The following SLC3A2 variants were observed in gnomAD, a reference collection of about 807,000 sequenced individuals.
SLC3A2 encodes amino acid transporter heavy chain SLC3A2.
In SLC3A2, 32 loss-of-function variants were observed where a neutral mutation model predicts 48.5. The observed-to-expected ratio is 0.66, with a 90% CI of 0.50 to 0.89. The LOEUF is 0.89. Among genes scored for constraint, SLC3A2 ranks in the 40% least tolerant of loss-of-function variants. The pLI is 0.00. For synonymous variants in SLC3A2, 277 were observed against 288.8 expected (o/e 0.96, Z 0.41); for missense variants, 587 against 680.7 (o/e 0.86, Z 1.53).
At chr11:62,867,076 C>T (rs1240876477) in intron 1 of SLC3A2, among the ~76,000 whole-genome samples, 1 of 151,914 alleles carries the variant, frequency 6.6e-6, no homozygotes, top group Non-Finnish European at 1.5e-5. Flanking sequence ...CCGCAACCTC[C>T]GCCTCCCAGG....
intron 5 of SLC3A2, 88 bp downstream of exon 5, chr11:62,884,778 C>T: frequency 1.7e-6 from 1 of 587,746 alleles, no homozygotes; most frequent in South Asian, 2.3e-5. Flanking sequence ...GATTCCTAGT[C>T]TAGAGCATTT....
intron 1 of SLC3A2, among the ~76,000 whole-genome samples, chr11:62,869,321 G>A (rs1029997237): frequency 2.6e-5 from 4 of 151,398 alleles, no homozygotes; most frequent in Non-Finnish European, 5.9e-5. Context: ...TCAGGAGATC[G>A]AGACCATCCT....
intron 3 of SLC3A2, chr11:62,883,415 CTA>C: frequency 5.1e-6 from 1 of 195,084 alleles, no homozygotes; most frequent in South Asian, 9.5e-5. Flanking sequence ...GTCTGGGACT[CTA>C]TGCCAAGTAT....
At chr11:62,878,698 C>T (rs1367890076), upstream of SLC3A2, among the ~76,000 whole-genome samples, 2 of 147,108 alleles carry the variant, frequency 1.4e-5, no homozygotes, top group Non-Finnish European at 3.0e-5. Context: ...AGGATGGTCT[C>T]GGTCTCCTGA....
At chr11:62,864,226 T>C (rs148530748) in intron 1 of SLC3A2, among the ~76,000 whole-genome samples, 48 of 152,274 alleles carry the variant, frequency 3.2e-4, no homozygotes, top group African/African-American at 1.1e-3. Flanking sequence ...TCTGTCCCAC[T>C]ATGATAGGTC....
chr11:62,886,225 G>T (rs1303428342), intron 7 of SLC3A2, among the ~76,000 whole-genome samples: 1 of 151,966 alleles, frequency 6.6e-6, no homozygotes, highest in African/African-American at 2.4e-5. Context: ...GGAGGCAGAG[G>T]TTGCAGTGAA....
chr11:62,880,528 A>G (rs7126772), upstream of SLC3A2: 1,618 of 153,078 alleles, frequency 0.011, 20 homozygotes, highest in African/African-American at 0.037. Flanking sequence ...GCCGTGAACC[A>G]GGGGCAAATG....
chr11:62,867,299 CTTTA>C (rs1286207732), intron 1 of SLC3A2, among the ~76,000 whole-genome samples: 1 of 121,126 alleles, frequency 8.3e-6, no homozygotes, highest in East Asian at 2.5e-4. Context: ...GCCTATTTCC[CTTTA>C]TTCTTTCTCT....
upstream of SLC3A2, among the ~76,000 whole-genome samples, chr11:62,878,418 G>A (rs2085591824): frequency 6.6e-6 from 1 of 151,892 alleles, no homozygotes; most frequent in African/African-American, 2.4e-5. Context: ...CTTCCCTTGA[G>A]TGTTGGCATC....
chr11:62,866,269 C>T (rs1261219337), intron 1 of SLC3A2, among the ~76,000 whole-genome samples: 3 of 151,930 alleles, frequency 2.0e-5, no homozygotes, highest in South Asian at 4.1e-4. Context: ...AGGTGCCTGC[C>T]GCCATCCCCA....
intron 1 of SLC3A2, among the ~76,000 whole-genome samples, chr11:62,863,860 A>G (rs1179949664): frequency 6.6e-6 from 1 of 152,216 alleles, no homozygotes; most frequent in Non-Finnish European, 1.5e-5. Context: ...CCAGAATCTC[A>G]GGGACTTGCA....
chr11:62,870,821 G>A lies in SLC3A2; in HGVS notation c.113-10198G>A, dbSNP rs754034275. 25 of 217,290 alleles carry A rather than the reference G, an allele frequency of 1.2e-4. No individual in the cohort carries two copies. In the East Asian group the frequency reaches 2.4e-3, roughly 21 times the overall value. 13.5% of individuals were successfully genotyped at this position (217,290 alleles called of 1,614,324 possible). On this transcript the variant is annotated intron_variant, in intron 1 of 9. Transcript: ENST00000377889. ...GTGATCCTCTTCCCTCAGCTTCCCA[G>A]AATGCCGAGATGATAGGTAATAATA...
At chr11:62,887,972 T>C (rs554247606) in intron 7 of SLC3A2, 163 bp from the exon 8 acceptor site, 7 of 600,220 alleles carry the variant, frequency 1.2e-5, no homozygotes, top group South Asian at 4.0e-5. Flanking sequence ...TTTAAAAATT[T>C]TGTAGTAGAG....
At chr11:62,864,904 C>T (rs2085437630) in intron 1 of SLC3A2, among the ~76,000 whole-genome samples, 3 of 152,000 alleles carry the variant, frequency 2.0e-5, no homozygotes, top group Admixed American at 2.0e-4. Flanking sequence ...ATGCCCAGTC[C>T]CCGTTTAAAC....
At chr11:62,884,716 C>T (rs763721022) in intron 5 of SLC3A2, 26 bp downstream of exon 5, 5 of 1,560,672 alleles carry the variant, frequency 3.2e-6, no homozygotes, top group Non-Finnish European at 4.3e-6. Flanking sequence ...ATTCTGCTGA[C>T]TCAGCTCCAA....
At chr11:62,856,187 C>A in exon 1 of SLC3A2, 1 of 1,081,700 alleles carries the variant, frequency 9.2e-7, no homozygotes, top group Non-Finnish European at 1.3e-6. Context: ...CCTGGACTGA[C>A]GGTCACGACT....
chr11:62,856,365 C>A (rs563102626), exon 1 of SLC3A2: 2 of 1,611,668 alleles, frequency 1.2e-6, no homozygotes, highest in Admixed American at 1.7e-5. Flanking sequence ...AGGGTCTCAG[C>A]GCGGGGGACG....
intron 3 of SLC3A2, chr11:62,884,055 T>A (rs1385223513): frequency 4.3e-6 from 2 of 461,268 alleles, no homozygotes; most frequent in Admixed American, 2.3e-5. Flanking sequence ...GCTCACTGAT[T>A]ATGACTGTGG....
chr11:62,874,604 C>G (rs921353376), intron 1 of SLC3A2, among the ~76,000 whole-genome samples: 1 of 152,248 alleles, frequency 6.6e-6, no homozygotes, highest in African/African-American at 2.4e-5. Flanking sequence ...CAGCCAGTGT[C>G]CCTCCTATAG....
Sources: gnomAD v4.1 joint callset for allele counts (sites outside exome capture counted in the v4.1 genomes callset) on GRCh38, gnomAD v4.1.1 for gene constraint, MANE v1.5 for transcripts, NCBI Gene and HGNC (gene_info 2026-07-23, HGNC 2026-07-21) for gene names.